The following RAB2A variants were observed in gnomAD, a reference collection of about 807,000 sequenced individuals.
RAB2A encodes the protein RAB2A, member RAS oncogene family, also known as ras-related protein Rab-2A.
RAB2A carries 7 observed loss-of-function variants against 32.5 expected under a neutral mutation model. That is an observed-to-expected ratio of 0.22 (90% CI 0.12 to 0.40). The LOEUF is 0.40. RAB2A is among the 10% of genes least tolerant of loss of function. The pLI, the probability that RAB2A is intolerant of heterozygous loss-of-function variation, is 1.00. For synonymous variants in RAB2A, 79 were observed against 85.2 expected (o/e 0.93, Z 0.40); for missense variants, 108 against 260.7 (o/e 0.41, Z 4.03).
chr8:60,521,963 C>T (rs1270429545), intron 1 of RAB2A, among the ~76,000 whole-genome samples: 1 of 152,146 alleles, frequency 6.6e-6, no homozygotes, highest in Non-Finnish European at 1.5e-5. Flanking sequence ...AGCATTGGTT[C>T]ACATGCAAAA....
At chr8:60,526,894 G>A (rs760876119) in intron 1 of RAB2A, among the ~76,000 whole-genome samples, 11 of 151,534 alleles carry the variant, frequency 7.3e-5, no homozygotes, top group Admixed American at 4.6e-4. Flanking sequence ...ATTTGAACCC[G>A]GGAGGGAGAG....
In RAB2A at chr8:60,567,966, C is replaced by A. The variant is rs1051403738; in HGVS notation, c.119-4080C>A. ...AATTTGAATTATTCTAGTGTTTTAC[C>A]ATTAAGTATGGTGTTTGCTGTTTTG... On this transcript the variant is annotated intron_variant, in intron 2 of 7. Coordinates refer to ENST00000262646, the MANE Select transcript of RAB2A (RefSeq NM_002865.3). Among the ~76,000 whole-genome samples the A allele has an allele frequency of 9.9e-5, 15 of 151,986 alleles. No homozygotes were observed. The South Asian group carries it at 1.0e-3, about 11-fold the overall frequency.
chr8:60,606,151 AAAAC>A (rs148384210), intron 6 of RAB2A, among the ~76,000 whole-genome samples: 8,995 of 151,990 alleles, frequency 0.059, 673 homozygotes, highest in African/African-American at 0.18. Context: ...TCCGTCTTAG[AAAAC>A]AAACAAACAA....
chr8:60,539,246 C>G (rs994454967), intron 1 of RAB2A, among the ~76,000 whole-genome samples: 1 of 152,102 alleles, frequency 6.6e-6, no homozygotes, highest in African/African-American at 2.4e-5. Context: ...ATAAAAGTAC[C>G]ATGTGATAAG....
intron 5 of RAB2A, among the ~76,000 whole-genome samples, chr8:60,585,301 T>TGTTTTGTTTTGTTTTGTTTG: frequency 6.6e-6 from 1 of 150,744 alleles, no homozygotes; most frequent in African/African-American, 2.5e-5. Context: ...TGTTTTGTTT[T>TGTTTTGTTTTGTTTTGTTTG]GTTTTGTTTT....
At chr8:60,588,123 T>G (rs1463423504) in intron 5 of RAB2A, among the ~76,000 whole-genome samples, 1 of 152,006 alleles carries the variant, frequency 6.6e-6, no homozygotes, top group Non-Finnish European at 1.5e-5. Context: ...AATAAGAAAT[T>G]TTTTAAAAAA....
At chr8:60,535,675 A>G (rs1807546122) in intron 1 of RAB2A, among the ~76,000 whole-genome samples, 1 of 152,228 alleles carries the variant, frequency 6.6e-6, no homozygotes, top group Non-Finnish European at 1.5e-5. Context: ...CAGACAGGAA[A>G]GCAGTAAAAT....
Position 60,522,552 on chromosome 8 carries a change from A to G in RAB2A, c.46+5299A>G, listed in dbSNP as rs541611805. 4.9e-3 allele frequency among the ~76,000 whole-genome samples: 749 copies of G among 152,294 alleles called. 6 individuals carry two copies. The highest frequency in any genetic ancestry group is 0.034 in the South Asian group (163 of 4,824). ...AAAAAATTTAAACAATATCACACAT[A>G]GTATTGGTGGTTTTACAAAAAGAGT... On this transcript the variant is annotated intron_variant, in intron 1 of 7. Transcript: ENST00000262646.
intron 6 of RAB2A, among the ~76,000 whole-genome samples, chr8:60,593,740 A>G (rs2130855208): frequency 6.6e-6 from 1 of 152,306 alleles, no homozygotes; most frequent in South Asian, 2.1e-4. Context: ...TGAAAAAAAG[A>G]TAATAGGTGC....
intron 1 of RAB2A, chr8:60,558,285 C>T (rs988164248): frequency 7.3e-6 from 3 of 411,834 alleles, no homozygotes; most frequent in Non-Finnish European, 1.4e-5. Flanking sequence ...GAAAATTTTC[C>T]TTTGAATTTA....
chr8:60,608,887 A>G (rs577054220), intron 6 of RAB2A, among the ~76,000 whole-genome samples: 10 of 152,272 alleles, frequency 6.6e-5, no homozygotes, highest in African/African-American at 1.9e-4. Flanking sequence ...TATTCAGTTA[A>G]TACGTATCAC....
chr8:60,526,638 A>G (rs1455358828), intron 1 of RAB2A, among the ~76,000 whole-genome samples: 1 of 152,168 alleles, frequency 6.6e-6, no homozygotes, highest in Non-Finnish European at 1.5e-5. Context: ...TCCGCTTACC[A>G]TAAAGGCCTG....
chr8:60,592,652 G>T (rs11778772), intron 6 of RAB2A, among the ~76,000 whole-genome samples: 36,037 of 151,872 alleles, frequency 0.24, 4,330 homozygotes, highest in Middle Eastern at 0.39. Context: ...TATTATTTCA[G>T]TTATTTCCAT....
chr8:60,583,971 C>A, intron 3 of RAB2A: 1 of 352,786 alleles, frequency 2.8e-6, no homozygotes. Flanking sequence ...AGAGGTCTTG[C>A]GGGCTGGGGA....
chr8:60,522,055 G>C (rs1807310795), intron 1 of RAB2A, among the ~76,000 whole-genome samples: 1 of 152,220 alleles, frequency 6.6e-6, no homozygotes, highest in African/African-American at 2.4e-5. Flanking sequence ...ATTGACAGAT[G>C]AAAGCTTGGA....
chr8:60,564,530 T>C (rs1012272890), intron 2 of RAB2A, among the ~76,000 whole-genome samples: 5 of 152,158 alleles, frequency 3.3e-5, no homozygotes, highest in African/African-American at 1.2e-4. Context: ...CCCATTCCAC[T>C]TATCCCTCCT....
chr8:60,553,460 C>T (rs568696181), intron 1 of RAB2A, among the ~76,000 whole-genome samples: 3 of 152,204 alleles, frequency 2.0e-5, no homozygotes, highest in Middle Eastern at 3.4e-3. Flanking sequence ...TCAAAAAGAC[C>T]GTCATTTTGT....
At chr8:60,550,970 C>T (rs886672752) in intron 1 of RAB2A, among the ~76,000 whole-genome samples, 1 of 152,110 alleles carries the variant, frequency 6.6e-6, no homozygotes, top group African/African-American at 2.4e-5. Flanking sequence ...AACTTTTCTT[C>T]TTAACTGTTT....
chr8:60,616,761 C>T (rs1024870084), intron 6 of RAB2A, among the ~76,000 whole-genome samples: 5 of 152,234 alleles, frequency 3.3e-5, no homozygotes, highest in Non-Finnish European at 7.3e-5. Context: ...ATATTCATAT[C>T]TCTGTGCTCC....
Sources: allele counts gnomAD v4.1 joint callset (sites outside exome capture counted in the v4.1 genomes callset), GRCh38; gene constraint gnomAD v4.1.1; transcripts MANE v1.5; gene names NCBI Gene and HGNC (gene_info 2026-07-23, HGNC 2026-07-21).